CDH13: variants seen among roughly 807,000 people sequenced by gnomAD.
CDH13 encodes cadherin 13.
In CDH13, 24 loss-of-function variants were observed where a neutral mutation model predicts 63.8. That is an observed-to-expected ratio of 0.38 (90% CI 0.27 to 0.53). The LOEUF (loss-of-function observed/expected upper bound fraction) is 0.53. Ranked by LOEUF, CDH13 falls within the 20% of genes least tolerant of loss-of-function variation. The pLI, the probability that CDH13 is intolerant of heterozygous loss-of-function variation, is 0.85. For missense variants in CDH13, 1,049 were observed against 903.1 expected (o/e 1.16, Z -2.07); for synonymous variants, 503 against 355.3 (o/e 1.42, Z -4.67).
chr16:83,678,197 C>G lies in CDH13; in HGVS notation c.1285-11C>G. 2 of 1,604,716 alleles carry G rather than the reference C, an allele frequency of 1.2e-6. No homozygotes were observed. Among genetic ancestry groups the G allele is most frequent in the Non-Finnish European group, 1.7e-6 (2 of 1,172,926 alleles). On this transcript the variant is annotated splice_polypyrimidine_tract_variant and intron_variant, in intron 9 of 13. Transcript: ENST00000567109. ...GGTGTGCATCCTGAGACCCTTCTGT[C>G]TGCTTTCCAGCCATTGGACTATGAA...
At chr16:83,232,798 C>T (rs2040041953) in intron 5 of CDH13, among the ~76,000 whole-genome samples, 3 of 152,116 alleles carry the variant, frequency 2.0e-5, no homozygotes, top group Admixed American at 2.0e-4. Context: ...GCAAGAACAA[C>T]CTAACACAAA....
At chr16:82,832,421 C>CACT (rs1400375114) in intron 1 of CDH13, among the ~76,000 whole-genome samples, 1 of 152,046 alleles carries the variant, frequency 6.6e-6, no homozygotes, top group African/African-American at 2.4e-5. Context: ...GACTTTTCAT[C>CACT]TCTTCTTCCT....
rs977667771 is a variant in CDH13 at position 83,217,288 on chromosome 16, T to C, written c.484-57T>C. ...ATTGCTCATGGGAGTATGTTTGCAA[T>C]GTGCTTTCTCTGTGTTTTCCAGGCA... On this transcript the variant is annotated intron_variant, in intron 4 of 13. Coordinates refer to ENST00000567109, the MANE Select transcript of CDH13 (RefSeq NM_001257.5). 1.8e-5 allele frequency: 28 copies of C among 1,577,096 alleles called. No homozygotes were observed. In the African/African-American group the frequency reaches 3.2e-4, roughly 18 times the overall value.
intron 8 of CDH13, among the ~76,000 whole-genome samples, chr16:83,653,820 GGGGCCTCCTAT>G (rs1188537050): frequency 4.6e-5 from 7 of 152,184 alleles, no homozygotes; most frequent in Non-Finnish European, 7.3e-5. Context: ...CATGACAGAA[GGGGCCTCCTAT>G]GGTTTGTCCG....
intron 6 of CDH13, among the ~76,000 whole-genome samples, chr16:83,351,383 C>G (rs1265887795): frequency 6.6e-6 from 1 of 151,720 alleles, no homozygotes; most frequent in African/African-American, 2.4e-5. Context: ...TCCAGTGCCA[C>G]CATCCAGAGA....
At position 83,779,520 on chromosome 16, in the gene CDH13, A is replaced by G. The variant is rs9924382; in HGVS notation, c.1682-448A>G. ...ATTATTGTTAGTCTTGTTTGCAACT[A>G]TTAATAACAACTGAGAAATGGGCTG... On this transcript the variant is annotated intron_variant, in intron 11 of 13. Coordinates refer to ENST00000567109, the MANE Select transcript of CDH13 (RefSeq NM_001257.5). 9.9e-3 allele frequency among the ~76,000 whole-genome samples: 1,488 copies of G among 150,138 alleles called. 25 individuals are homozygous for G. Among genetic ancestry groups the G allele is most frequent in the African/African-American group, 0.035 (1,411 of 40,806 alleles).
At chr16:83,660,791 C>T (rs774180447) in intron 8 of CDH13, among the ~76,000 whole-genome samples, 12 of 152,120 alleles carry the variant, frequency 7.9e-5, no homozygotes, top group African/African-American at 1.4e-4. Context: ...TCTGCTTCTC[C>T]GAATTAAACT....
At chr16:82,647,616 G>A (rs1910249949) in intron 1 of CDH13, among the ~76,000 whole-genome samples, 1 of 142,526 alleles carries the variant, frequency 7.0e-6, no homozygotes, top group Non-Finnish European at 1.5e-5. Flanking sequence ...CAGATTTTAT[G>A]CCACAAATCT....
chr16:83,548,875 C>T, intron 7 of CDH13, among the ~76,000 whole-genome samples: 1 of 151,990 alleles, frequency 6.6e-6, no homozygotes, highest in Non-Finnish European at 1.5e-5. Context: ...CCTGCCATCA[C>T]TATTGCAAAA....
chr16:83,646,944 G>A (rs1466577591), intron 8 of CDH13, among the ~76,000 whole-genome samples: 2 of 151,522 alleles, frequency 1.3e-5, no homozygotes, highest in African/African-American at 2.4e-5. Flanking sequence ...CATCATTTAC[G>A]TTTTGTCCTT....
chr16:83,321,271 C>T (rs544522165), intron 5 of CDH13, among the ~76,000 whole-genome samples: 7 of 152,286 alleles, frequency 4.6e-5, no homozygotes, highest in African/African-American at 1.7e-4. Context: ...TTTCCTTTTA[C>T]ACCACTTCCT....
intron 2 of CDH13, among the ~76,000 whole-genome samples, chr16:82,961,588 A>C (rs897917233): frequency 4.0e-5 from 6 of 151,650 alleles, no homozygotes. Context: ...AAAAAAAAAA[A>C]AAAAAAAACT....
intron 7 of CDH13, among the ~76,000 whole-genome samples, chr16:83,555,409 G>A (rs1002983118): frequency 6.6e-6 from 1 of 152,206 alleles, no homozygotes; most frequent in Middle Eastern, 3.2e-3. Flanking sequence ...GATTCCCCAG[G>A]TGATTCATAT....
At chr16:83,646,713 ACACAC>A (rs1450117311) in intron 8 of CDH13, among the ~76,000 whole-genome samples, 7 of 17,734 alleles carry the variant, frequency 3.9e-4, no homozygotes, top group Admixed American at 1.4e-3. Context: ...AAAAAAAAAA[ACACAC>A]ACACACACAC....
intron 2 of CDH13, among the ~76,000 whole-genome samples, chr16:82,956,541 T>C (rs1906132120): frequency 6.6e-6 from 1 of 152,184 alleles, no homozygotes; most frequent in South Asian, 2.1e-4. Flanking sequence ...AGGTATATCC[T>C]GCCACACCCT....
At chr16:83,338,014 C>G (rs1365988732) in intron 5 of CDH13, among the ~76,000 whole-genome samples, 3 of 151,830 alleles carry the variant, frequency 2.0e-5, no homozygotes, top group Non-Finnish European at 4.4e-5. Flanking sequence ...ACAGTCGGAC[C>G]TAAGTTTGAG....
At chr16:83,488,220 C>T (rs1021021513) in intron 7 of CDH13, among the ~76,000 whole-genome samples, 2 of 152,180 alleles carry the variant, frequency 1.3e-5, no homozygotes, top group African/African-American at 2.4e-5. Flanking sequence ...AGACCTAGAA[C>T]ACTTCCATCA....
At chr16:83,633,739 C>T (rs1910988709) in intron 8 of CDH13, among the ~76,000 whole-genome samples, 1 of 152,122 alleles carries the variant, frequency 6.6e-6, no homozygotes, top group Non-Finnish European at 1.5e-5. Context: ...ATTTATTGCC[C>T]TTCAAAACAG....
intron 6 of CDH13, among the ~76,000 whole-genome samples, chr16:83,392,416 G>A (rs910758422): frequency 6.6e-6 from 1 of 152,180 alleles, no homozygotes. Context: ...GTGCTTCACA[G>A]CAATGAGCTA....
Sources: gnomAD v4.1 joint callset for allele counts (sites outside exome capture counted in the v4.1 genomes callset) on GRCh38, gnomAD v4.1.1 for gene constraint, MANE v1.5 for transcripts, NCBI Gene and HGNC (gene_info 2026-07-23, HGNC 2026-07-21) for gene names.